MX1: variants seen among roughly 807,000 people sequenced by gnomAD.
The protein encoded by MX1 is interferon-induced GTP-binding protein Mx1.
Under a neutral mutation model 66.4 loss-of-function variants are expected in MX1, and 66 were observed. The observed-to-expected ratio is 0.99, with a 90% CI of 0.82 to 1.22. The LOEUF is 1.22. Among genes scored for constraint, MX1 ranks in the 50% most tolerant of loss-of-function variants. MX1 has a pLI of 0.00. For synonymous variants in MX1, 311 were observed against 318.1 expected (o/e 0.98, Z 0.24); for missense variants, 787 against 834.3 (o/e 0.94, Z 0.70).
At chr21:41,436,941 G>C (rs1259510203) in intron 6 of MX1, 74 bp from the exon 7 acceptor site, 2 of 1,548,132 alleles carry the variant, frequency 1.3e-6, no homozygotes, top group Admixed American at 4.1e-5. Flanking sequence ...AAAAGTTTGA[G>C]AACCATGGGC....
intron 5 of MX1, among the ~76,000 whole-genome samples, chr21:41,433,982 C>G (rs754748800): frequency 4.6e-5 from 7 of 152,216 alleles, no homozygotes; most frequent in Non-Finnish European, 1.0e-4. Flanking sequence ...CTAGAGACAT[C>G]TTGGTTGTCA....
At chr21:41,432,261 GC>G in intron 5 of MX1, 86 bp downstream of exon 5, 1 of 1,151,564 alleles carries the variant, frequency 8.7e-7, no homozygotes. Context: ...TGCTACTGCT[GC>G]CCAGATATGC....
At chr21:41,437,260 T>C in intron 7 of MX1, 108 bp downstream of exon 7, 1 of 1,273,522 alleles carries the variant, frequency 7.9e-7, no homozygotes. Context: ...CAGGACACCT[T>C]TCTCCTGCAC....
At position 41,435,924 on chromosome 21, in the gene MX1, G is replaced by C. The variant is rs769280504; in HGVS notation, c.193G>C (p.Glu65Gln). The C allele has an allele frequency of 2.5e-6, 4 of 1,614,082 alleles. No individual in the cohort carries two copies. In the African/African-American group the frequency reaches 5.3e-5, roughly 22 times the overall value. ...TGACTCCCTGCGGGCTCTAGGTGTGGAGCAGGACCTGGCCCTGCCAGCCAT... is the reference window on the plus strand; with the variant it reads ...TGACTCCCTGCGGGCTCTAGGTGTGCAGCAGGACCTGGCCCTGCCAGCCAT... ...LIDSLRALGV[E>Q]QDLALPAIAV... is the part of the protein sequence containing the mutation. Residue 65 changes from glutamate (E) to glutamine (Q), a missense_variant, in exon 6 of 17, where the codon GAG becomes CAG. By Grantham distance (29) the Glu-to-Gln change is conservative. Coordinates refer to ENST00000398598, the MANE Select transcript of MX1 (RefSeq NM_002462.5).
intron 4 of MX1, among the ~76,000 whole-genome samples, chr21:41,431,062 G>T (rs1261907698): frequency 6.6e-6 from 1 of 152,092 alleles, no homozygotes; most frequent in African/African-American, 2.4e-5. Flanking sequence ...TCGCTCTGTC[G>T]CCCAGGCTGG....
At chr21:41,425,277 G>T (rs1421032358), upstream of MX1, among the ~76,000 whole-genome samples, 2 of 152,190 alleles carry the variant, frequency 1.3e-5, no homozygotes, top group South Asian at 4.1e-4. Flanking sequence ...TAGGATTTGG[G>T]AAGGTAATGG....
intron 4 of MX1, among the ~76,000 whole-genome samples, chr21:41,431,020 T>C (rs2090196113): frequency 6.6e-6 from 1 of 152,196 alleles, no homozygotes; most frequent in East Asian, 1.9e-4. Flanking sequence ...AAATGTAAAG[T>C]TTTTGTTTGT....
chr21:41,446,158 C>A lies in MX1; in HGVS notation c.1273+17C>A. 1 of 1,609,086 alleles carries A rather than the reference C, an allele frequency of 6.2e-7. No individual in the cohort carries two copies. The highest frequency in any genetic ancestry group is 1.1e-5 in the South Asian group (1 of 90,548). On this transcript the variant is annotated intron_variant, in intron 13 of 16. Transcript: ENST00000398598. Reference sequence around the variant, plus strand: ...TTCAAGAAGGTGAGTGTCTTAGTCCCTTCTTTTGGGCTGCTACAACCGAAT... The same window carrying A: ...TTCAAGAAGGTGAGTGTCTTAGTCCATTCTTTTGGGCTGCTACAACCGAAT...
intron 5 of MX1, among the ~76,000 whole-genome samples, chr21:41,433,633 A>G (rs1357731228): frequency 6.6e-6 from 1 of 152,214 alleles, no homozygotes; most frequent in Non-Finnish European, 1.5e-5. Context: ...TGGGAAAAAC[A>G]TATAGGTGGC....
intron 10 of MX1, among the ~76,000 whole-genome samples, chr21:41,442,162 G>A (rs1601507568): frequency 6.6e-6 from 1 of 151,946 alleles, no homozygotes; most frequent in East Asian, 1.9e-4. Flanking sequence ...AAAATAGGGA[G>A]AGAACAATGT....
chr21:41,427,370 T>C (rs2146049519), intron 2 of MX1, 66 bp downstream of exon 2: 1 of 152,268 alleles, frequency 6.6e-6, no homozygotes, highest in South Asian at 2.1e-4. Context: ...CAAATTTAAA[T>C]ACCAGCAGGG....
chr21:41,426,294 T>C, intron 1 of MX1, 31 bp downstream of exon 1: 1 of 152,678 alleles, frequency 6.5e-6, no homozygotes, highest in East Asian at 1.9e-4. Flanking sequence ...CAGCGCCCAG[T>C]AACCGCGCTA....
At chr21:41,451,445 C>T (rs3737399) in intron 15 of MX1, among the ~76,000 whole-genome samples, 76,986 of 151,994 alleles carry the variant, frequency 0.51, 20,838 homozygotes, top group African/African-American at 0.71. Context: ...CTTAAACGCA[C>T]AGAACAAGAG....
upstream of MX1, among the ~76,000 whole-genome samples, chr21:41,421,527 G>T (rs550465078): frequency 6.6e-6 from 1 of 152,342 alleles, no homozygotes; most frequent in African/African-American, 2.4e-5. Flanking sequence ...CTAGGCAGAG[G>T]TCCCTGCGGC....
intron 4 of MX1, among the ~76,000 whole-genome samples, chr21:41,431,202 T>C (rs1034587167): frequency 3.3e-5 from 5 of 152,146 alleles, no homozygotes; most frequent in African/African-American, 1.2e-4. Context: ...TTTGTATATT[T>C]AGTAGAGATG....
intron 11 of MX1, among the ~76,000 whole-genome samples, chr21:41,444,088 GA>G (rs112053120): frequency 3.3e-5 from 5 of 151,952 alleles, no homozygotes; most frequent in African/African-American, 7.3e-5. Flanking sequence ...CAGTCAGGGG[GA>G]ATGCTGATAG....
At chr21:41,436,178 C>T in intron 6 of MX1, 149 bp downstream of exon 6, 1 of 932,400 alleles carries the variant, frequency 1.1e-6, no homozygotes, top group Non-Finnish European at 1.6e-6. Context: ...AGGCCTTTCT[C>T]CATGGCTTGC....
At chr21:41,447,373 A>G (rs780481269) in intron 13 of MX1, among the ~76,000 whole-genome samples, 27 of 152,202 alleles carry the variant, frequency 1.8e-4, no homozygotes, top group Non-Finnish European at 3.2e-4. Flanking sequence ...TAGGACTTCA[A>G]CATTGGAGTT....
chr21:41,451,851 AC>A (rs544027313), intron 15 of MX1, among the ~76,000 whole-genome samples: 62,805 of 138,032 alleles, frequency 0.46, 15,754 homozygotes, highest in African/African-American at 0.63. Context: ...AAAAAAAAAA[AC>A]AAACAAAAAA....
Sources: allele counts gnomAD v4.1 joint callset (sites outside exome capture counted in the v4.1 genomes callset), GRCh38; gene constraint gnomAD v4.1.1; transcripts MANE v1.5; gene names NCBI Gene and HGNC (gene_info 2026-07-23, HGNC 2026-07-21).